SLC25A43: variants seen among roughly 807,000 people sequenced by gnomAD.
SLC25A43 encodes the protein solute carrier family 25 member 43, also known as solute carrier family 25, member 43.
SLC25A43 carries 10 observed loss-of-function variants against 22.8 expected under a neutral mutation model. The ratio of observed to expected loss-of-function variants is 0.44; its 90% confidence interval spans 0.27 to 0.74. The LOEUF is 0.74. Among genes scored for constraint, SLC25A43 ranks in the 30% least tolerant of loss-of-function variants. The pLI is 0.17. For missense variants in SLC25A43, 233 were observed against 279.1 expected (o/e 0.83, Z 1.18); for synonymous variants, 106 against 121.6 (o/e 0.87, Z 0.84).
At chrX:119,444,611 G>A (rs753343308) in intron 3 of SLC25A43, among the ~76,000 whole-genome samples, 2 of 108,482 alleles carry the variant, frequency 1.8e-5, no homozygotes, top group South Asian at 8.2e-4. Context: ...GCTGAGGCAG[G>A]AGAATCACTT....
At chrX:119,431,524 A>AAG (rs1556086001) in intron 3 of SLC25A43, among the ~76,000 whole-genome samples, 2 of 110,795 alleles carry the variant, frequency 1.8e-5, no homozygotes, top group Admixed American at 9.6e-5. Flanking sequence ...CAGAAAAAAA[A>AAG]AAAAGAAAAG....
intron 3 of SLC25A43, among the ~76,000 whole-genome samples, chrX:119,429,283 C>T (rs1332062281): frequency 1.8e-5 from 2 of 111,149 alleles, no homozygotes; most frequent in African/African-American, 6.6e-5. Flanking sequence ...ATCTCCTGAC[C>T]TCATGATCCG....
intron 3 of SLC25A43, among the ~76,000 whole-genome samples, chrX:119,432,510 C>T (rs2052561581): frequency 9.0e-6 from 1 of 111,445 alleles, no homozygotes; most frequent in African/African-American, 3.3e-5. Context: ...AAAAGAGGGC[C>T]GGGCACAGTG....
intron 3 of SLC25A43, among the ~76,000 whole-genome samples, chrX:119,431,027 G>A (rs1182339661): frequency 8.9e-6 from 1 of 112,137 alleles, no homozygotes; most frequent in Non-Finnish European, 1.9e-5. Context: ...AGACAGTGGA[G>A]CTTAGTGGAG....
chrX:119,406,898 C>T, intron 2 of SLC25A43, among the ~76,000 whole-genome samples, 197 bp downstream of exon 2: 1 of 112,852 alleles, frequency 8.9e-6, no homozygotes, highest in East Asian at 2.8e-4. Flanking sequence ...AGTTACATCC[C>T]CGGGAGGGGA....
intron 3 of SLC25A43, chrX:119,434,671 G>A (rs962712007): frequency 9.2e-6 from 1 of 108,588 alleles, no homozygotes; most frequent in Non-Finnish European, 1.9e-5. Context: ...CTCGGGAGCG[G>A]GGGACCACCA....
Position 119,454,416 on chromosome X carries a change from G to C in SLC25A43, c.*1351G>C, listed in dbSNP as rs867898631. The C allele has an allele frequency of 1.8e-5, 2 of 111,858 alleles. No individual in the cohort carries two copies. The highest frequency in any genetic ancestry group is 6.5e-5 in the African/African-American group (2 of 30,632). The allele number at this position is 111,858 out of a possible 1,213,427, so 9.2% of individuals were successfully genotyped here. A position where few individuals can be genotyped will look rare whatever the true frequency, so the allele number is the denominator to read the frequency against. ...ATACACACACATACACTCATACATA[G>C]AGAGAGATTTTCGGTATGTTGCAAG... is the stretch of plus-strand genomic sequence containing the variant. On this transcript the variant is annotated 3_prime_UTR_variant, in exon 5 of 5. Coordinates refer to ENST00000217909, the MANE Select transcript of SLC25A43 (RefSeq NM_145305.3).
intron 3 of SLC25A43, among the ~76,000 whole-genome samples, chrX:119,429,933 G>A (rs191121874): frequency 2.8e-3 from 311 of 112,148 alleles, no homozygotes; most frequent in Middle Eastern, 0.014. Flanking sequence ...GGGTCTTCAA[G>A]GACATTTTGT....
At chrX:119,451,735 A>G (rs998846683) in intron 3 of SLC25A43, 18 of 775,812 alleles carry the variant, frequency 2.3e-5, no homozygotes, top group Non-Finnish European at 3.0e-5. Flanking sequence ...GTTGGGAGGG[A>G]ATGTAAGTAT....
intron 3 of SLC25A43, among the ~76,000 whole-genome samples, chrX:119,447,429 C>G (rs1171869402): frequency 9.0e-6 from 1 of 111,003 alleles, no homozygotes; most frequent in East Asian, 2.8e-4. Flanking sequence ...CCTCAGCCCC[C>G]CCAAGTAACT....
At chrX:119,423,673 G>T (rs913311747) in intron 3 of SLC25A43, 1 of 111,304 alleles carries the variant, frequency 9.0e-6, no homozygotes, top group Non-Finnish European at 1.9e-5. Context: ...GATAAGGATG[G>T]GGGCAAACTA....
rs567329453 is a variant in SLC25A43 at position 119,403,351 on chromosome X, G to A, written c.276-3109G>A. On this transcript the variant is annotated intron_variant, in intron 1 of 4. Transcript: ENST00000217909. ...GTCGCCCAAGTTGGAGTGCAGTGAC[G>A]CAATCTCGGCTCACTGCAACCTCCA... Among the ~76,000 whole-genome samples the A allele has an allele frequency of 1.3e-4, 14 of 108,907 alleles. No homozygotes were observed. In the South Asian group the frequency reaches 2.4e-3, roughly 19 times the overall value. 94.6% of individuals were successfully genotyped at this position (108,907 alleles called of 115,157 possible).
chrX:119,435,169 A>G (rs956772275), intron 3 of SLC25A43, among the ~76,000 whole-genome samples: 4 of 111,084 alleles, frequency 3.6e-5, no homozygotes, highest in Non-Finnish European at 5.7e-5. Context: ...AAAGAAAAAA[A>G]TCGGTGGGCA....
chrX:119,423,835 A>T (rs2052478323), intron 3 of SLC25A43: 1 of 109,505 alleles, frequency 9.1e-6, no homozygotes, highest in Admixed American at 9.9e-5. Flanking sequence ...GACCCCTGCG[A>T]TTTCCCCAAA....
At chrX:119,451,672 C>T (rs1254780772) in intron 3 of SLC25A43, among the ~76,000 whole-genome samples, 2 of 111,848 alleles carry the variant, frequency 1.8e-5, no homozygotes, top group Non-Finnish European at 3.8e-5. Flanking sequence ...AAACAGAATA[C>T]TTTAAAAAGG....
intron 3 of SLC25A43, among the ~76,000 whole-genome samples, chrX:119,422,086 T>C (rs2147272262): frequency 9.0e-6 from 1 of 111,112 alleles, no homozygotes; most frequent in South Asian, 3.8e-4. Context: ...CAGCTAATTT[T>C]GTATTTTTAG....
Position 119,399,463 on chromosome X carries a change from G to A in SLC25A43, c.60G>A (p.Gly20=), listed in dbSNP as rs1469516583. ...GCGGCCAAAGGCTGCTGTGCGCTGG[G>A]CTGGCGGGGACGCTCAGCCTCAGCC... ...LTGGQRLLCA[G]LAGTLSLSLT... Residue 20 remains glycine (G), a synonymous_variant, in exon 1 of 5, where the codon GGG becomes GGA. Transcript: ENST00000217909. The A allele has an allele frequency of 1.9e-6, 2 of 1,054,553 alleles. No individual in the cohort carries two copies. Among genetic ancestry groups the A allele is most frequent in the Non-Finnish European group, 2.4e-6 (2 of 821,093 alleles). 86.9% of individuals were successfully genotyped at this position (1,054,553 alleles called of 1,213,427 possible).
intron 3 of SLC25A43, among the ~76,000 whole-genome samples, chrX:119,442,217 C>G (rs2052628552): frequency 8.9e-6 from 1 of 112,482 alleles, no homozygotes; most frequent in African/African-American, 3.2e-5. Context: ...GGTAAGAGTT[C>G]AGTCAAGAAA....
intron 2 of SLC25A43, 87 bp downstream of exon 2, chrX:119,406,788 T>A: frequency 9.5e-7 from 1 of 1,050,562 alleles, no homozygotes; most frequent in Non-Finnish European, 1.3e-6. Flanking sequence ...AGCCACTAAA[T>A]CAGTTTTACT....
Sources: gnomAD v4.1 joint callset for allele counts (sites outside exome capture counted in the v4.1 genomes callset) on GRCh38, gnomAD v4.1.1 for gene constraint, MANE v1.5 for transcripts, NCBI Gene and HGNC (gene_info 2026-07-23, HGNC 2026-07-21) for gene names.